Variants in PRKCI observed in about 807,000 individuals in gnomAD.
PRKCI encodes the protein protein kinase C iota.
A neutral mutation model predicts 84.0 loss-of-function variants in PRKCI; 43 were observed. That is an observed-to-expected ratio of 0.51 (90% confidence interval 0.40 to 0.66). The LOEUF (loss-of-function observed/expected upper bound fraction) is 0.66. Among genes scored for constraint, PRKCI ranks in the 30% least tolerant of loss-of-function variants. The probability of loss-of-function intolerance (pLI) is 0.00; values close to 1 mark genes in which losing one functional copy is unlikely to be tolerated. For synonymous variants in PRKCI, 216 were observed against 234.4 expected, an observed-to-expected ratio of 0.92 and a Z score of 0.72; for missense variants, 459 against 745.6, an observed-to-expected ratio of 0.62 and a Z score of 4.48.
intron 11 of PRKCI, among the ~76,000 whole-genome samples, chr3:170,283,671 T>G (rs889377518): frequency 6.8e-6 from 1 of 146,954 alleles, no homozygotes; most frequent in African/African-American, 2.5e-5. Context: ...TGGTTTTTAC[T>G]ATATTAATGT....
At chr3:170,299,205 A>AT (rs1165985556) in intron 17 of PRKCI, 95 bp downstream of exon 17, 9 of 560,942 alleles carry the variant, frequency 1.6e-5, no homozygotes, top group Non-Finnish European at 2.0e-5. Flanking sequence ...TTATACTATA[A>AT]TTTTTTTATT....
chr3:170,251,438 T>C (rs1218760725), intron 2 of PRKCI, among the ~76,000 whole-genome samples: 1 of 152,230 alleles, frequency 6.6e-6, no homozygotes, highest in Non-Finnish European at 1.5e-5. Flanking sequence ...TTACTATCTC[T>C]ATTGTACAAT....
At chr3:170,245,378 C>T (rs921129016) in intron 2 of PRKCI, among the ~76,000 whole-genome samples, 8 of 151,964 alleles carry the variant, frequency 5.3e-5, no homozygotes, top group African/African-American at 1.2e-4. Context: ...AATTGTAGGA[C>T]GCTCGATTGG....
intron 2 of PRKCI, among the ~76,000 whole-genome samples, chr3:170,251,741 C>G (rs528754436): frequency 2.2e-4 from 33 of 151,962 alleles, no homozygotes; most frequent in African/African-American, 8.0e-4. Flanking sequence ...GAAACCCTGT[C>G]TCTACTAAAA....
intron 1 of PRKCI, among the ~76,000 whole-genome samples, chr3:170,233,583 T>C (rs1345685402): frequency 6.6e-6 from 1 of 152,216 alleles, no homozygotes; most frequent in Non-Finnish European, 1.5e-5. Context: ...TGTGGAATGT[T>C]ATGAACATAG....
intron 17 of PRKCI, among the ~76,000 whole-genome samples, chr3:170,300,199 C>T (rs1734788670): frequency 6.6e-6 from 1 of 152,190 alleles, no homozygotes; most frequent in Non-Finnish European, 1.5e-5. Flanking sequence ...ACTCCTTTTT[C>T]CATCACTGTT....
intron 12 of PRKCI, among the ~76,000 whole-genome samples, chr3:170,285,078 C>CTTTTTT (rs199832004): frequency 5.4e-5 from 7 of 129,816 alleles, no homozygotes; most frequent in South Asian, 2.4e-4. Context: ...GTCTTCATTT[C>CTTTTTT]TTTTTTTTTT....
At chr3:170,263,247 G>A in intron 3 of PRKCI, 132 bp from the exon 4 acceptor site, 1 of 639,640 alleles carries the variant, frequency 1.6e-6, no homozygotes, top group Non-Finnish European at 2.8e-6. Flanking sequence ...CACATGCTAA[G>A]TATCTTGTCT....
At chr3:170,288,321 T>G (rs1296554200) in intron 12 of PRKCI, among the ~76,000 whole-genome samples, 1 of 152,166 alleles carries the variant, frequency 6.6e-6, no homozygotes, top group African/African-American at 2.4e-5. Flanking sequence ...AATATTGGCT[T>G]CTTATACATT....
rs545308880 is a variant in PRKCI at position 170,267,310 on chromosome 3, A to G, written c.365-605A>G. 1.4e-3 allele frequency among the ~76,000 whole-genome samples: 216 copies of G among 152,298 alleles called. 1 individual carries two copies. In the Middle Eastern group the frequency reaches 0.017, roughly 12 times the overall value. ...ATCTCGGTGAAAGATGCAGGTGTCTATTCTTTTACCTTTTCTGTGGGATTA... is the reference window on the plus strand; with the variant it reads ...ATCTCGGTGAAAGATGCAGGTGTCTGTTCTTTTACCTTTTCTGTGGGATTA... On this transcript the variant is annotated intron_variant, in intron 4 of 17. Coordinates refer to ENST00000295797, the MANE Select transcript of PRKCI (RefSeq NM_002740.6).
At chr3:170,273,368 GT>G (rs1560179015) in intron 7 of PRKCI, 28 bp downstream of exon 7, 1 of 1,604,346 alleles carries the variant, frequency 6.2e-7, no homozygotes, top group Non-Finnish European at 8.5e-7. Context: ...ACAACCCATT[GT>G]TCATTCACAG....
At chr3:170,290,430 C>A (rs1345889434) in intron 12 of PRKCI, among the ~76,000 whole-genome samples, 2 of 151,884 alleles carry the variant, frequency 1.3e-5, no homozygotes, top group African/African-American at 2.4e-5. Context: ...GATATATAAT[C>A]TTTACATGCA....
intron 1 of PRKCI, among the ~76,000 whole-genome samples, chr3:170,226,235 A>C (rs1334779108): frequency 6.6e-6 from 1 of 152,166 alleles, no homozygotes; most frequent in Admixed American, 6.5e-5. Context: ...GTTTTTAAGC[A>C]AGAGATTAAT....
intron 2 of PRKCI, among the ~76,000 whole-genome samples, chr3:170,256,180 A>G (rs1428698180): frequency 6.6e-6 from 1 of 152,180 alleles, no homozygotes; most frequent in East Asian, 1.9e-4. Flanking sequence ...AGTAATACTG[A>G]TGAGTATTAC....
Position 170,297,307 on chromosome 3 carries a change from C to T in PRKCI, c.1501C>T (p.Pro501Ser), listed in dbSNP as rs1469931815. 1.2e-6 allele frequency: 2 copies of T among 1,611,522 alleles called. No individual in the cohort carries two copies. The highest frequency in any genetic ancestry group is 1.7e-6 in the Non-Finnish European group (2 of 1,177,918). ...TGAAACATTTCTTTCACCATAGGAC[C>T]CTAAGGAACGATTGGGTTGTCATCC... ...SVLKSFLNKDPKERLGCHPQT... is the reference protein window; with the variant it reads ...SVLKSFLNKDSKERLGCHPQT... The change falls in exon 16 of 18, where the codon CCT becomes TCT. Residue 501 changes from proline to serine, a missense_variant. Transcript: ENST00000295797.
At chr3:170,265,298 A>G (rs922766827) in intron 4 of PRKCI, among the ~76,000 whole-genome samples, 2 of 152,206 alleles carry the variant, frequency 1.3e-5, no homozygotes, top group Admixed American at 1.3e-4. Flanking sequence ...TCTGATGCAC[A>G]CTAAAGTTTG....
intron 2 of PRKCI, among the ~76,000 whole-genome samples, chr3:170,243,896 T>C (rs1448503650): frequency 2.0e-5 from 3 of 152,198 alleles, no homozygotes; most frequent in East Asian, 1.9e-4. Flanking sequence ...CACACCAGGC[T>C]GTCTGGAGGC....
chr3:170,234,907 C>A (rs949518662), intron 1 of PRKCI, among the ~76,000 whole-genome samples: 7 of 151,760 alleles, frequency 4.6e-5, no homozygotes, highest in African/African-American at 1.7e-4. Flanking sequence ...TGTTCCCCCC[C>A]TGAGAAGGAT....
intron 8 of PRKCI, among the ~76,000 whole-genome samples, chr3:170,277,697 A>AG (rs963948613): frequency 6.6e-6 from 1 of 151,620 alleles, no homozygotes; most frequent in African/African-American, 2.4e-5. Flanking sequence ...CCGTCTCAAA[A>AG]AAAAAAAAAA....
Sources: allele counts gnomAD v4.1 joint callset (sites outside exome capture counted in the v4.1 genomes callset), GRCh38; gene constraint gnomAD v4.1.1; transcripts MANE v1.5; gene names NCBI Gene and HGNC (gene_info 2026-07-23, HGNC 2026-07-21).